The following PPIL1 variants were observed in gnomAD, a reference collection of about 807,000 sequenced individuals.
PPIL1 encodes peptidyl-prolyl cis-trans isomerase-like 1.
A neutral mutation model predicts 19.4 loss-of-function variants in PPIL1; 14 were observed. That is an observed-to-expected ratio of 0.72 (90% CI 0.48 to 1.13). The LOEUF is 1.13. Among genes scored for constraint, PPIL1 ranks in the 50% most tolerant of loss-of-function variants. The pLI, the probability that PPIL1 is intolerant of heterozygous loss-of-function variation, is 0.00. For synonymous variants in PPIL1, 72 were observed against 73.6 expected, an observed-to-expected ratio of 0.98 and a Z score of 0.11; for missense variants, 192 against 218.0, an observed-to-expected ratio of 0.88 and a Z score of 0.75.
chr6:36,871,602 G>C lies in PPIL1; in HGVS notation c.211+116C>G, dbSNP rs143935769. On this transcript the variant is annotated intron_variant, in intron 2 of 3. Transcript: ENST00000373699. ...CTTAGTAAGTGGAAAAGAGAGCTCTGGCTGCCTTATCACCTATTTACGACA... is the reference window on the plus strand; with the variant it reads ...CTTAGTAAGTGGAAAAGAGAGCTCTCGCTGCCTTATCACCTATTTACGACA... The C allele has an allele frequency of 2.3e-4, 290 of 1,278,342 alleles. 2 individuals are homozygous for C. The East Asian group carries it at 7.2e-3, about 32-fold the overall frequency. The allele number at this position is 1,278,342 out of a possible 1,614,324, so 79.2% of individuals were successfully genotyped here. A position where few individuals can be genotyped will look rare whatever the true frequency, so the allele number is the denominator to read the frequency against.
chr6:36,857,977 C>T (rs1774201593), intron 2 of PPIL1, among the ~76,000 whole-genome samples: 1 of 151,984 alleles, frequency 6.6e-6, no homozygotes, highest in Non-Finnish European at 1.5e-5. Flanking sequence ...TGCCTATAAT[C>T]CCAGCACGTT....
rs1410250304 is a variant in PPIL1, at chr6:36,855,703, T to C, written c.*110A>G. The C allele has an allele frequency of 1.3e-5, 15 of 1,133,004 alleles. No homozygotes were observed. The highest frequency in any genetic ancestry group is 1.8e-5 in the Non-Finnish European group (14 of 773,204). The allele number at this position is 1,133,004 out of a possible 1,614,324, so 70.2% of individuals were successfully genotyped here. Reference sequence around the variant, plus strand: ...ACCCAAGATGCCAGGCCTCCTAAGCTTCATGACTTGCAAAGCCAAAATGAA... The same window carrying C: ...ACCCAAGATGCCAGGCCTCCTAAGCCTCATGACTTGCAAAGCCAAAATGAA... On this transcript the variant is annotated 3_prime_UTR_variant, in exon 4 of 4. Coordinates refer to ENST00000373699, the MANE Select transcript of PPIL1 (RefSeq NM_016059.5).
chr6:36,860,687 T>C (rs1774267102), intron 2 of PPIL1, among the ~76,000 whole-genome samples: 1 of 151,222 alleles, frequency 6.6e-6, no homozygotes, highest in Admixed American at 6.6e-5. Flanking sequence ...CACATTTTCC[T>C]CTCAGGTAAC....
chr6:36,865,851 G>C (rs1330201202), intron 2 of PPIL1, among the ~76,000 whole-genome samples: 2 of 152,158 alleles, frequency 1.3e-5, no homozygotes, highest in African/African-American at 4.8e-5. Flanking sequence ...GCTTCTCCCA[G>C]GCCTTAGAAT....
chr6:36,871,074 T>A (rs1471647313), intron 2 of PPIL1, among the ~76,000 whole-genome samples: 1 of 152,216 alleles, frequency 6.6e-6, no homozygotes, highest in East Asian at 1.9e-4. Flanking sequence ...CACAGGTTCC[T>A]GCCTCAGGGC....
intron 2 of PPIL1, among the ~76,000 whole-genome samples, chr6:36,863,878 G>C (rs1448495727): frequency 6.6e-6 from 1 of 151,572 alleles, no homozygotes; most frequent in Non-Finnish European, 1.5e-5. Context: ...ACATTCTCCT[G>C]GTGTTCCTCG....
rs566735571 is a variant in PPIL1, at chr6:36,871,657, A to G, written c.211+61T>C. On this transcript the variant is annotated intron_variant, in intron 2 of 3. Transcript: ENST00000373699. The stretch of plus-strand genomic sequence containing the variant: ...CTTCAGAAACTAATGCTGGCTTTAG[A>G]AAAAAAGACGAAAAGGAGAAAAAAA... The G allele has an allele frequency of 3.9e-4, 591 of 1,531,476 alleles. 9 individuals carry two copies. In the South Asian group the frequency reaches 7.0e-3, roughly 18 times the overall value. 94.9% of individuals were successfully genotyped at this position (1,531,476 alleles called of 1,614,324 possible). A position where few individuals can be genotyped will look rare whatever the true frequency, so the allele number is the denominator to read the frequency against.
intron 1 of PPIL1, 124 bp downstream of exon 1, chr6:36,874,593 C>G (rs1774597841): frequency 7.6e-7 from 1 of 1,322,652 alleles, no homozygotes; most frequent in South Asian, 1.2e-5. Context: ...CCGTCTCGGC[C>G]GCTGCTCCAC....
At chr6:36,865,868 G>T (rs1408028653) in intron 2 of PPIL1, among the ~76,000 whole-genome samples, 1 of 152,222 alleles carries the variant, frequency 6.6e-6, no homozygotes, top group Non-Finnish European at 1.5e-5. Context: ...GAATAGCACA[G>T]GATACCCAGC....
rs1774170601 is a variant in PPIL1 at position 36,856,526 on chromosome 6, C to T, written c.280+60G>A. On this transcript the variant is annotated intron_variant, in intron 3 of 3. Transcript: ENST00000373699. ...TCAGGCATTCACCTTGAATCATGGC[C>T]AAAAGAGTGAGCTTTTAAAATCCCC... is the stretch of plus-strand genomic sequence containing the variant. 5 of 1,496,272 alleles carry T rather than the reference C, an allele frequency of 3.3e-6. No homozygotes were observed. The East Asian group carries it at 1.1e-4, about 34-fold the overall frequency. 92.7% of individuals were successfully genotyped at this position (1,496,272 alleles called of 1,614,324 possible).
Position 36,861,680 on chromosome 6 carries a change from G to GTT in PPIL1, c.212-5028_212-5027dup, listed in dbSNP as rs55772980. 4.3e-3 allele frequency among the ~76,000 whole-genome samples: 583 copies of GTT among 136,492 alleles called. 1 individual carries two copies. Among genetic ancestry groups the GTT allele is most frequent in the Non-Finnish European group, 4.4e-3 (280 of 63,622 alleles). The allele number at this position is 136,492 out of a possible 152,430, so 89.5% of individuals were successfully genotyped here. A position where few individuals can be genotyped will look rare whatever the true frequency, so the allele number is the denominator to read the frequency against. ...CTTAACCTTCTTCTTTATGATCTGT[G>GTT]TTTTTTTTTTTTTTTAATTCCTTTT... is the stretch of plus-strand genomic sequence containing the variant. On this transcript the variant is annotated intron_variant, in intron 2 of 3. Coordinates refer to ENST00000373699, the MANE Select transcript of PPIL1 (RefSeq NM_016059.5).
intron 2 of PPIL1, among the ~76,000 whole-genome samples, chr6:36,857,680 G>A (rs1003308759): frequency 2.0e-5 from 3 of 151,352 alleles, no homozygotes; most frequent in Admixed American, 2.0e-4. Flanking sequence ...CTCCTTAGGA[G>A]GCTGAGGCAG....
intron 1 of PPIL1, among the ~76,000 whole-genome samples, chr6:36,872,853 A>G (rs981824903): frequency 2.0e-5 from 3 of 152,100 alleles, no homozygotes; most frequent in Non-Finnish European, 4.4e-5. Context: ...CAAGCAATCT[A>G]CCTGCCTTGG....
chr6:36,874,580 G>A (rs960740108), intron 1 of PPIL1, 137 bp downstream of exon 1: 1 of 1,201,122 alleles, frequency 8.3e-7, no homozygotes. Flanking sequence ...AACCCTCTGG[G>A]GGCCGTCTCG....
At chr6:36,864,981 T>C (rs1359825422) in intron 2 of PPIL1, among the ~76,000 whole-genome samples, 3 of 145,086 alleles carry the variant, frequency 2.1e-5, no homozygotes, top group Non-Finnish European at 4.6e-5. Flanking sequence ...GAATTAACAA[T>C]AAAAAAAAAA....
intron 1 of PPIL1, chr6:36,872,083 G>A: frequency 7.4e-6 from 3 of 404,930 alleles, no homozygotes; most frequent in South Asian, 6.0e-5. Flanking sequence ...AGGTGTTCTG[G>A]GTACTTCTTT....
intron 1 of PPIL1, among the ~76,000 whole-genome samples, chr6:36,872,491 A>G (rs1383801883): frequency 6.6e-6 from 1 of 152,202 alleles, no homozygotes; most frequent in Admixed American, 6.5e-5. Flanking sequence ...CACCTACCCA[A>G]TAGGATGAGT....
chr6:36,872,169 T>C (rs1774524684), intron 1 of PPIL1, among the ~76,000 whole-genome samples: 1 of 152,070 alleles, frequency 6.6e-6, no homozygotes, highest in Non-Finnish European at 1.5e-5. Context: ...TATATAGCTA[T>C]ATCTGATTAT....
intron 2 of PPIL1, among the ~76,000 whole-genome samples, chr6:36,860,830 A>C (rs1774273478): frequency 6.7e-6 from 1 of 149,228 alleles, no homozygotes; most frequent in Admixed American, 6.7e-5. Flanking sequence ...ACATCTATGT[A>C]CCCCTAAAAA....
Sources: allele counts gnomAD v4.1 joint callset (sites outside exome capture counted in the v4.1 genomes callset), GRCh38; gene constraint gnomAD v4.1.1; transcripts MANE v1.5; gene names NCBI Gene and HGNC (gene_info 2026-07-23, HGNC 2026-07-21).